KDM6A: variants seen among roughly 807,000 people sequenced by gnomAD.
The protein encoded by KDM6A is lysine demethylase 6A.
KDM6A carries 11 observed loss-of-function variants against 117.6 expected under a neutral mutation model. The ratio of observed to expected loss-of-function variants is 0.09; its 90% CI spans 0.06 to 0.15. The LOEUF is 0.15. Ranked by LOEUF, KDM6A falls within the 10% of genes least tolerant of loss-of-function variation. KDM6A has a pLI of 1.00. For missense variants in KDM6A, 799 were observed against 1,077.3 expected (o/e 0.74, Z 3.62); for synonymous variants, 384 against 396.1 (o/e 0.97, Z 0.36).
chrX:44,934,898 A>G (rs755092467), intron 2 of KDM6A, among the ~76,000 whole-genome samples: 6 of 111,942 alleles, frequency 5.4e-5, no homozygotes, highest in Non-Finnish European at 9.4e-5. Context: ...TTATAAACCA[A>G]TGCATGGAGC....
In KDM6A at chrX:45,061,418, A is replaced by G. The variant is rs770484329; in HGVS notation, c.1580A>G (p.Gln527Arg). The change falls in exon 15 of 30, where the codon CAG becomes CGG. Residue 527 changes from glutamine (Q) to arginine (R), a missense_variant and splice_region_variant. Physicochemically the swap from Gln to Arg is conservative, Grantham distance 43. Transcript: ENST00000611820. ...HSWCLTPQKL[Q>R]HLEQLRANRN... ...TGGTGTTTGACACCACAGAAATTACAGGTATGTAAGATGTTTTTGACAAAT... is the reference window on the plus strand; with the variant it reads ...TGGTGTTTGACACCACAGAAATTACGGGTATGTAAGATGTTTTTGACAAAT... The G allele has an allele frequency of 2.8e-6, 3 of 1,054,524 alleles. No individual in the cohort carries two copies. Among genetic ancestry groups the G allele is most frequent in the Non-Finnish European group, 3.9e-6 (3 of 761,803 alleles). 86.9% of individuals were successfully genotyped at this position (1,054,524 alleles called of 1,213,427 possible). A position where few individuals can be genotyped will look rare whatever the true frequency, so the allele number is the denominator to read the frequency against.
At chrX:45,096,560 C>CA (rs1404756847) in intron 27 of KDM6A, among the ~76,000 whole-genome samples, 1 of 112,175 alleles carries the variant, frequency 8.9e-6, no homozygotes, top group Admixed American at 9.5e-5. Flanking sequence ...GTAAAGGCTT[C>CA]ACCAGAAGTA....
chrX:45,074,403 G>A (rs2148082430), intron 18 of KDM6A, among the ~76,000 whole-genome samples: 1 of 112,149 alleles, frequency 8.9e-6, no homozygotes, highest in South Asian at 3.6e-4. Flanking sequence ...TGTTATCACA[G>A]CCCTGCCCTT....
chrX:44,925,442 G>C (rs890474197), intron 2 of KDM6A, among the ~76,000 whole-genome samples: 1 of 111,490 alleles, frequency 9.0e-6, no homozygotes, highest in African/African-American at 3.3e-5. Flanking sequence ...ATTCTGCTTG[G>C]TTTATTGGTT....
At chrX:44,999,052 T>C (rs1213492547) in intron 4 of KDM6A, among the ~76,000 whole-genome samples, 1 of 111,821 alleles carries the variant, frequency 8.9e-6, no homozygotes, top group Non-Finnish European at 1.9e-5. Context: ...GAGTTGTGGC[T>C]CATGCCTCTA....
intron 18 of KDM6A, among the ~76,000 whole-genome samples, chrX:45,076,144 C>T (rs2045103751): frequency 9.0e-6 from 1 of 110,941 alleles, no homozygotes; most frequent in Admixed American, 9.6e-5. Flanking sequence ...CAGTTATATG[C>T]ATTGTTTAAA....
At chrX:45,002,868 C>G (rs1245959822) in intron 4 of KDM6A, among the ~76,000 whole-genome samples, 9 of 71,805 alleles carry the variant, frequency 1.3e-4, no homozygotes, top group Admixed American at 1.2e-3. Flanking sequence ...CCCGCCCCCC[C>G]CCCCCTTTTC....
chrX:45,053,972 A>C lies in KDM6A; in HGVS notation c.875+17A>C, dbSNP rs201507197. The C allele has an allele frequency of 8.3e-7, 1 of 1,201,733 alleles. No individual in the cohort carries two copies. The highest frequency in any genetic ancestry group is 1.1e-6 in the Non-Finnish European group (1 of 887,809). On this transcript the variant is annotated intron_variant, in intron 10 of 29. Coordinates refer to ENST00000611820, the MANE Select transcript of KDM6A (RefSeq NM_001291415.2). ...CCTCGGAAGGTGAGACTTACCAGAC[A>C]TTTATGTTTGATTTTGTCTATTCCA... is the stretch of plus-strand genomic sequence containing the variant.
chrX:44,939,253 C>A (rs1044853332), intron 2 of KDM6A, among the ~76,000 whole-genome samples: 2 of 112,546 alleles, frequency 1.8e-5, no homozygotes, highest in African/African-American at 6.5e-5. Flanking sequence ...ATTGAGAACA[C>A]TTGTGATTCA....
intron 2 of KDM6A, among the ~76,000 whole-genome samples, chrX:44,952,429 G>A (rs375922519): frequency 9.1e-6 from 1 of 109,566 alleles, no homozygotes; most frequent in Non-Finnish European, 1.9e-5. Context: ...CCACCACCAC[G>A]CCCAGCTAAT....
intron 2 of KDM6A, among the ~76,000 whole-genome samples, chrX:44,920,443 A>AT (rs770955066): frequency 0.018 from 1,797 of 101,549 alleles, 12 homozygotes; most frequent in Non-Finnish European, 0.026. Flanking sequence ...CTTTTATTTT[A>AT]TTTTTTTTTT....
At chrX:44,990,160 G>A (rs1362396228) in intron 4 of KDM6A, among the ~76,000 whole-genome samples, 5 of 112,039 alleles carry the variant, frequency 4.5e-5, no homozygotes, top group African/African-American at 1.6e-4. Context: ...TGTGAAATAC[G>A]ATAGTGCTGG....
At position 45,063,653 on chromosome X, in the gene KDM6A, A is replaced by C. The variant is rs768866999; in HGVS notation, c.1915A>C (p.Ser639Arg). 2 of 1,208,940 alleles carry C rather than the reference A, an allele frequency of 1.7e-6. No homozygotes were observed. The highest frequency in any genetic ancestry group is 3.5e-5 in the African/African-American group (2 of 57,072). ...VPCSTSRTLG[S>R]TDTILIGNNH... ...CTGTAGCACATCAAGAACGCTGGGA[A>C]GTACAGACACTATTTTGATAGGCAA... is the stretch of plus-strand genomic sequence containing the variant. The change falls in exon 17 of 30, where the codon AGT (serine) becomes CGT (arginine). Residue 639 changes from serine (S) to arginine (R), a missense_variant. This residue lies in a region of KDM6A where 301 missense variants were observed against 318.3 expected (regional missense o/e 0.95). Transcript: ENST00000611820.
rs1278408558 is a variant in KDM6A at position 45,060,770 on chromosome X, T to C, written c.1485+6T>C. ...GAACATCTAGTCCAACAAAGGTATA[T>C]GTTTTAGAGAAATAGAAAATCCCAG... On this transcript the variant is annotated splice_donor_region_variant and intron_variant, in intron 14 of 29. Coordinates refer to ENST00000611820, the MANE Select transcript of KDM6A (RefSeq NM_001291415.2). 3.8e-6 allele frequency: 4 copies of C among 1,040,499 alleles called. No individual in the cohort carries two copies. The highest frequency in any genetic ancestry group is 3.0e-5 in the Admixed American group (1 of 33,111). 85.7% of individuals were successfully genotyped at this position (1,040,499 alleles called of 1,213,427 possible).
chrX:44,883,045 C>A (rs1022475768), intron 2 of KDM6A, among the ~76,000 whole-genome samples: 5 of 107,937 alleles, frequency 4.6e-5, no homozygotes, highest in Non-Finnish European at 9.5e-5. Flanking sequence ...CAACGGTTCT[C>A]CACATTTTGG....
At chrX:44,937,485 G>A (rs1020375244) in intron 2 of KDM6A, among the ~76,000 whole-genome samples, 4 of 111,373 alleles carry the variant, frequency 3.6e-5, no homozygotes, top group Non-Finnish European at 7.5e-5. Context: ...CATTATTATT[G>A]TATCTATTAT....
chrX:44,989,124 C>T (rs2040426916), intron 4 of KDM6A, among the ~76,000 whole-genome samples: 1 of 105,211 alleles, frequency 9.5e-6, no homozygotes, highest in Non-Finnish European at 1.9e-5. Flanking sequence ...CCTCCCCAGC[C>T]TCACTGCTGC....
At chrX:44,885,731 G>T (rs1299052105) in intron 2 of KDM6A, among the ~76,000 whole-genome samples, 2 of 109,929 alleles carry the variant, frequency 1.8e-5, no homozygotes, top group African/African-American at 3.3e-5. Context: ...AATTAGCCGG[G>T]CATGGTGGCG....
At chrX:44,910,888 T>C (rs1276086152) in intron 2 of KDM6A, among the ~76,000 whole-genome samples, 5 of 112,497 alleles carry the variant, frequency 4.4e-5, no homozygotes, top group African/African-American at 1.6e-4. Context: ...GAGTCTCCTA[T>C]GTCTACTTCT....
Sources: gnomAD v4.1 joint callset for allele counts (sites outside exome capture counted in the v4.1 genomes callset) on GRCh38, gnomAD v4.1.1 for gene constraint, gnomAD v4.1.1 regional missense constraint, MANE v1.5 for transcripts, NCBI Gene and HGNC (gene_info 2026-07-23, HGNC 2026-07-21) for gene names.